Variants in ATG16L1 observed in about 807,000 individuals in gnomAD.
ATG16L1 encodes the protein autophagy-related protein 16-1.
In ATG16L1, 37 loss-of-function variants were observed where a neutral mutation model predicts 88.5. The ratio of observed to expected loss-of-function variants is 0.42; its 90% CI spans 0.32 to 0.55. The LOEUF is 0.55. Among genes scored for constraint, ATG16L1 ranks in the 20% least tolerant of loss-of-function variants. The pLI, the probability that ATG16L1 is intolerant of heterozygous loss-of-function variation, is 0.13. For synonymous variants in ATG16L1, 301 were observed against 281.0 expected (o/e 1.07, Z -0.71); for missense variants, 554 against 752.8 (o/e 0.74, Z 3.09).
rs527722038 is a variant in ATG16L1 at position 233,263,317 on chromosome 2, C to T, written c.315+82C>T. On this transcript the variant is annotated intron_variant, in intron 3 of 17. Transcript: ENST00000392017. Reference sequence around the variant, plus strand: ...AGCGGGGGAGCTCAGTCACTTCTCACCAGAATTGGCAGCAGCCTTAGCCAT... The same window carrying T: ...AGCGGGGGAGCTCAGTCACTTCTCATCAGAATTGGCAGCAGCCTTAGCCAT... 36 of 1,262,326 alleles carry T rather than the reference C, an allele frequency of 2.9e-5. No homozygotes were observed. In the African/African-American group the frequency reaches 5.1e-4, roughly 18 times the overall value. 78.2% of individuals were successfully genotyped at this position (1,262,326 alleles called of 1,614,324 possible). A position where few individuals can be genotyped will look rare whatever the true frequency, so the allele number is the denominator to read the frequency against.
intron 5 of ATG16L1, chr2:233,265,857 A>G (rs528844691): frequency 2.2e-4 from 34 of 152,378 alleles, no homozygotes; most frequent in African/African-American, 8.2e-4. Flanking sequence ...GGGAATTAAA[A>G]GATGGATTAT....
chr2:233,254,108 TA>T (rs1312319787), intron 1 of ATG16L1, among the ~76,000 whole-genome samples: 2 of 151,960 alleles, frequency 1.3e-5, no homozygotes, highest in African/African-American at 4.9e-5. Context: ...CTTGTAATTG[TA>T]AAGCGTTATC....
At chr2:233,284,532 C>G (rs1489035746) in intron 12 of ATG16L1, among the ~76,000 whole-genome samples, 2 of 152,058 alleles carry the variant, frequency 1.3e-5, no homozygotes, top group Non-Finnish European at 2.9e-5. Context: ...TGGGGTTTCA[C>G]CATGTTAACC....
At position 233,292,116 on chromosome 2, in the gene ATG16L1, T is replaced by C; in HGVS notation, c.1431-12T>C. The C allele has an allele frequency of 6.2e-7, 1 of 1,613,934 alleles. No homozygotes were observed. Among genetic ancestry groups the C allele is most frequent in the Non-Finnish European group, 8.5e-7 (1 of 1,179,930 alleles). On this transcript the variant is annotated splice_polypyrimidine_tract_variant and intron_variant, in intron 14 of 17. Coordinates refer to ENST00000392017, the MANE Select transcript of ATG16L1 (RefSeq NM_030803.7). The stretch of plus-strand genomic sequence containing the variant: ...CCTACGTTACATTTCTCAGATCTGT[T>C]CTCCCTCTTAGATCAGAGAGCATAG...
chr2:233,292,052 C>CT (rs1002862534), intron 14 of ATG16L1, 76 bp from the exon 15 acceptor site: 56 of 1,544,098 alleles, frequency 3.6e-5, no homozygotes, highest in Admixed American at 3.9e-5. Context: ...ATTGCAGTGC[C>CT]TTTTTTTTCC....
At chr2:233,258,017 ATATCTAT>A (rs1156474177) in intron 2 of ATG16L1, among the ~76,000 whole-genome samples, 1,687 of 127,954 alleles carry the variant, frequency 0.013, 45 homozygotes, top group South Asian at 0.018. Context: ...AAAAAAAAAA[ATATCTAT>A]ATATCTATAT....
At chr2:233,278,405 G>A (rs1698515089) in intron 10 of ATG16L1, among the ~76,000 whole-genome samples, 1 of 152,198 alleles carries the variant, frequency 6.6e-6, no homozygotes, top group South Asian at 2.1e-4. Context: ...GAACCACTTT[G>A]CCAAGTGTCT....
In ATG16L1 at chr2:233,260,279, C is replaced by T. The variant is rs1697115507; in HGVS notation, c.210-2851C>T. Among the ~76,000 whole-genome samples the T allele has an allele frequency of 2.6e-5, 4 of 152,224 alleles. No individual in the cohort carries two copies. The South Asian group carries it at 6.2e-4, about 24-fold the overall frequency. On this transcript the variant is annotated intron_variant, in intron 2 of 17. Transcript: ENST00000392017. ...AAATTGTTTATTCTAAGCACGGTTC[C>T]TGGACTAGTGACATCTTCTGGGAAA... is the stretch of plus-strand genomic sequence containing the variant.
chr2:233,273,501 C>T (rs530010044), intron 7 of ATG16L1: 4 of 552,728 alleles, frequency 7.2e-6, no homozygotes, highest in African/African-American at 5.7e-5. Flanking sequence ...TAATTTAATA[C>T]TAGGGAACCT....
rs1289839121 is a variant in ATG16L1 at position 233,295,149 on chromosome 2, C to T, written c.*799C>T. The T allele has an allele frequency of 6.5e-6, 1 of 152,692 alleles. No homozygotes were observed. Among genetic ancestry groups the T allele is most frequent in the African/African-American group, 2.4e-5 (1 of 41,398 alleles). 9.5% of individuals were successfully genotyped at this position (152,692 alleles called of 1,614,324 possible). On this transcript the variant is annotated 3_prime_UTR_variant, in exon 18 of 18. Transcript: ENST00000392017. ...GGGGGTGCCAAGGGATTCGAGACCT[C>T]CAACATACTTGTCTGAAGGTGGTGA...
chr2:233,255,074 A>T (rs1465133383), intron 1 of ATG16L1, among the ~76,000 whole-genome samples: 1 of 151,978 alleles, frequency 6.6e-6, no homozygotes, highest in Non-Finnish European at 1.5e-5. Context: ...CCCGAGTTCA[A>T]GCGATTCTTG....
At chr2:233,273,249 G>A (rs766983199) in intron 7 of ATG16L1, 197 bp downstream of exon 7, 334 of 568,640 alleles carry the variant, frequency 5.9e-4, no homozygotes, top group Middle Eastern at 1.9e-3. Flanking sequence ...AGCAGAACAC[G>A]GGTGGCTTCA....
intron 8 of ATG16L1, chr2:233,274,262 C>G (rs1187890911): frequency 9.2e-6 from 5 of 543,682 alleles, no homozygotes; most frequent in African/African-American, 1.9e-5. Context: ...GCGTTAGACT[C>G]CACATTGATC....
intron 7 of ATG16L1, 174 bp from the exon 8 acceptor site, chr2:233,273,547 T>G: frequency 1.7e-6 from 1 of 595,280 alleles, no homozygotes; most frequent in Non-Finnish European, 3.0e-6. Context: ...GGTTTTCCCT[T>G]TCCCTTCCCA....
chr2:233,265,243 T>C, intron 5 of ATG16L1, 100 bp downstream of exon 5: 1 of 1,433,532 alleles, frequency 7.0e-7, no homozygotes, highest in Non-Finnish European at 9.5e-7. Context: ...TACAGGAGGT[T>C]TACCAGGGAA....
At position 233,274,778 on chromosome 2, in the gene ATG16L1, C is replaced by T. The variant is rs776787304; in HGVS notation, c.954C>T (p.Phe318=). 1.1e-5 allele frequency: 17 copies of T among 1,606,952 alleles called. No homozygotes were observed. Among genetic ancestry groups the T allele is most frequent in the Non-Finnish European group, 1.4e-5 (16 of 1,173,866 alleles). ...VRVPATALCV[F]DAHDGEVNAV... ...TACCAGCTACTGCCTTGTGTGTCTT[C>T]GTAAGTATGCTTCAGCCCCGAACCC... is the stretch of plus-strand genomic sequence containing the variant. The change falls in exon 9 of 18, where the codon TTC becomes TTT. Residue 318 remains phenylalanine (F), a splice_region_variant and synonymous_variant. Coordinates refer to ENST00000392017, the MANE Select transcript of ATG16L1 (RefSeq NM_030803.7).
intron 12 of ATG16L1, among the ~76,000 whole-genome samples, chr2:233,285,426 G>C (rs1319802692): frequency 6.6e-6 from 1 of 152,248 alleles, no homozygotes; most frequent in African/African-American, 2.4e-5. Context: ...TAGACTGACA[G>C]ATGAAGGTCA....
At chr2:233,265,417 A>G (rs1697497033) in intron 5 of ATG16L1, among the ~76,000 whole-genome samples, 1 of 152,228 alleles carries the variant, frequency 6.6e-6, no homozygotes, top group Admixed American at 6.5e-5. Flanking sequence ...GAAGACTATA[A>G]TCCAACCTTA....
chr2:233,290,042 G>C (rs1274014196), intron 13 of ATG16L1, 68 bp downstream of exon 13: 3 of 1,593,704 alleles, frequency 1.9e-6, no homozygotes, highest in Non-Finnish European at 2.6e-6. Context: ...GTGTTTGCAC[G>C]TCAGAGCCTG....
Sources: allele counts gnomAD v4.1 joint callset (sites outside exome capture counted in the v4.1 genomes callset), GRCh38; gene constraint gnomAD v4.1.1; transcripts MANE v1.5; gene names NCBI Gene and HGNC (gene_info 2026-07-23, HGNC 2026-07-21).